The following TBC1D32 variants were observed in gnomAD, a reference collection of about 807,000 sequenced individuals.
TBC1D32 encodes protein broad-minded.
In TBC1D32, 151 loss-of-function variants were observed where a neutral mutation model predicts 170.3. The observed-to-expected ratio is 0.89, with a 90% CI of 0.78 to 1.01. The LOEUF is 1.01. TBC1D32 is among the 50% of genes least tolerant of loss of function. The pLI is 0.00. For synonymous variants in TBC1D32, 498 were observed against 488.0 expected (o/e 1.02, Z -0.27); for missense variants, 1,464 against 1,457.1 (o/e 1.00, Z -0.08).
chr6:121,268,824 T>C lies in TBC1D32; in HGVS notation c.1733+10297A>G, dbSNP rs530988424. ...CACATAATTGTCAGATTCACCAAAG[T>C]TCAAATGAAGGAAAAAAATGTTAAG... On this transcript the variant is annotated intron_variant, in intron 15 of 31. Transcript: ENST00000398212. Among the ~76,000 whole-genome samples, 8 of 152,032 alleles carry C rather than the reference T, an allele frequency of 5.3e-5. No homozygotes were observed. In the South Asian group the frequency reaches 1.7e-3, roughly 32 times the overall value.
rs951117055 is a variant in TBC1D32, at chr6:121,079,674, T to C, written c.*1097A>G. The C allele has an allele frequency of 1.3e-5, 2 of 152,158 alleles. No individual in the cohort carries two copies. The highest frequency in any genetic ancestry group is 4.8e-5 in the African/African-American group (2 of 41,454). 9.4% of individuals were successfully genotyped at this position (152,158 alleles called of 1,614,324 possible). A position where few individuals can be genotyped will look rare whatever the true frequency, so the allele number is the denominator to read the frequency against. On this transcript the variant is annotated 3_prime_UTR_variant, in exon 32 of 32. Coordinates refer to ENST00000398212, the MANE Select transcript of TBC1D32 (RefSeq NM_152730.6). ...GAGTTAAGATATAAAAAATAGACAT[T>C]CACATATTGTATTAATCTTACCGGT...
chr6:121,182,849 A>G (rs1305246824), intron 22 of TBC1D32, among the ~76,000 whole-genome samples: 1 of 152,072 alleles, frequency 6.6e-6, no homozygotes, highest in African/African-American at 2.4e-5. Flanking sequence ...AGGCTGAAAA[A>G]AAAAGTCAAC....
intron 1 of TBC1D32, among the ~76,000 whole-genome samples, chr6:121,330,548 T>TA (rs1369029459): frequency 2.0e-5 from 3 of 152,238 alleles, no homozygotes; most frequent in Admixed American, 6.5e-5. Flanking sequence ...TAGGTACTTT[T>TA]AAAAAAACAA....
In TBC1D32 at chr6:121,188,165, G is replaced by C. The variant is rs117785402; in HGVS notation, c.2570+16910C>G. The stretch of plus-strand genomic sequence containing the variant: ...GATATTAAGAGTACCTACTTCATAA[G>C]TTTGTTCTGAAATTGAGTGACTCAA... On this transcript the variant is annotated intron_variant, in intron 22 of 31. Coordinates refer to ENST00000398212, the MANE Select transcript of TBC1D32 (RefSeq NM_152730.6). 6.0e-3 allele frequency among the ~76,000 whole-genome samples: 909 copies of C among 152,164 alleles called. 7 individuals carry two copies. Among genetic ancestry groups the C allele is most frequent in the Non-Finnish European group, 0.01 (695 of 67,976 alleles).
intron 29 of TBC1D32, among the ~76,000 whole-genome samples, chr6:121,106,607 G>A (rs1582799806): frequency 6.6e-6 from 1 of 151,980 alleles, no homozygotes; most frequent in African/African-American, 2.4e-5. Context: ...TTTGTCAGCT[G>A]TTGAAGATAT....
chr6:121,135,049 T>C (rs560615514), intron 24 of TBC1D32, among the ~76,000 whole-genome samples: 9 of 152,248 alleles, frequency 5.9e-5, no homozygotes, highest in Admixed American at 2.0e-4. Flanking sequence ...GGCTAGCCCA[T>C]GACCTTCTAT....
chr6:121,129,443 T>C lies in TBC1D32; in HGVS notation c.2899+2184A>G, dbSNP rs1781194170. Among the ~76,000 whole-genome samples the C allele has an allele frequency of 2.0e-5, 3 of 152,278 alleles. No homozygotes were observed. The South Asian group carries it at 6.2e-4, about 32-fold the overall frequency. On this transcript the variant is annotated intron_variant, in intron 25 of 31. Coordinates refer to ENST00000398212, the MANE Select transcript of TBC1D32 (RefSeq NM_152730.6). ...ATGCATTTATTAGGATGTAGCTTCA[T>C]TGTAAGTTGAAAAGCATCTGTATAA...
chr6:121,306,391 T>C (rs545418348), intron 5 of TBC1D32, among the ~76,000 whole-genome samples: 1 of 152,336 alleles, frequency 6.6e-6, no homozygotes, highest in East Asian at 1.9e-4. Context: ...TGTTATCTAC[T>C]GAAATCTAAG....
intron 19 of TBC1D32, among the ~76,000 whole-genome samples, chr6:121,240,877 CAAA>C (rs35249678): frequency 3.6e-5 from 3 of 84,208 alleles, no homozygotes; most frequent in Non-Finnish European, 6.3e-5. Flanking sequence ...TTCTGTCTCA[CAAA>C]AAAAAAAAAA....
At chr6:121,287,719 C>T (rs930730556) in intron 12 of TBC1D32, among the ~76,000 whole-genome samples, 5 of 152,130 alleles carry the variant, frequency 3.3e-5, no homozygotes, top group Non-Finnish European at 5.9e-5. Context: ...AACACCACAC[C>T]GCACTTATTC....
chr6:121,080,645 ACTT>A lies in TBC1D32; in HGVS notation c.*123_*125del. The A allele has an allele frequency of 2.5e-6, 3 of 1,210,886 alleles. No homozygotes were observed. The highest frequency in any genetic ancestry group is 3.4e-6 in the Non-Finnish European group (3 of 886,216). 75.0% of individuals were successfully genotyped at this position (1,210,886 alleles called of 1,614,324 possible). On this transcript the variant is annotated 3_prime_UTR_variant, in exon 32 of 32. Transcript: ENST00000398212. ...CATACCTACTTAAATATATCGTTAT[ACTT>A]CTCAGTATTTACAATATGTATATTC...
chr6:121,080,831 T>C lies in TBC1D32; in HGVS notation c.3714A>G (p.Glu1238=), dbSNP rs2128164844. 1 of 1,613,958 alleles carries C rather than the reference T, an allele frequency of 6.2e-7. No individual in the cohort carries two copies. Among genetic ancestry groups the C allele is most frequent in the East Asian group, 2.2e-5 (1 of 44,846 alleles). ...TCAGCAGCACTGTTCGGTAGTTTTG[T>C]TCCAAAATTTCCATGTATTCAAAAT... ...SDYFEYMEIL[E]QNYRTVLLRD... is the part of the protein sequence containing the mutation. Residue 1238 remains glutamate (E), a synonymous_variant, in exon 32 of 32, where the codon GAA becomes GAG. Transcript: ENST00000398212.
intron 11 of TBC1D32, 31 bp from the exon 12 acceptor site, chr6:121,292,224 T>C: frequency 6.4e-7 from 1 of 1,556,104 alleles, no homozygotes. Context: ...GAATATTTAT[T>C]TAGTATCATT....
At chr6:121,125,953 T>C (rs2128211954) in intron 26 of TBC1D32, among the ~76,000 whole-genome samples, 1 of 152,308 alleles carries the variant, frequency 6.6e-6, no homozygotes, top group South Asian at 2.1e-4. Context: ...TTCTGTGGCA[T>C]ATCCAGGTGA....
At chr6:121,263,093 T>C (rs1426952145) in intron 15 of TBC1D32, among the ~76,000 whole-genome samples, 1 of 152,082 alleles carries the variant, frequency 6.6e-6, no homozygotes, top group African/African-American at 2.4e-5. Context: ...TAACCTACAA[T>C]GTAAATGGGC....
At chr6:121,260,560 A>G (rs1479954405) in intron 15 of TBC1D32, among the ~76,000 whole-genome samples, 2 of 152,170 alleles carry the variant, frequency 1.3e-5, no homozygotes, top group Non-Finnish European at 2.9e-5. Context: ...CAGGGCAAGG[A>G]GCTGCCTCCC....
At chr6:121,296,881 T>C (rs1805721158) in intron 10 of TBC1D32, among the ~76,000 whole-genome samples, 1 of 152,100 alleles carries the variant, frequency 6.6e-6, no homozygotes, top group Non-Finnish European at 1.5e-5. Flanking sequence ...GTCCGCTTCT[T>C]TAACTGAAAA....
At chr6:121,088,457 T>C (rs912122633) in intron 31 of TBC1D32, among the ~76,000 whole-genome samples, 1 of 152,178 alleles carries the variant, frequency 6.6e-6, no homozygotes, top group African/African-American at 2.4e-5. Flanking sequence ...TACTTCATTA[T>C]TGGTTATTAT....
At chr6:121,213,948 T>C (rs1024949920) in intron 21 of TBC1D32, among the ~76,000 whole-genome samples, 3 of 152,004 alleles carry the variant, frequency 2.0e-5, no homozygotes, top group African/African-American at 4.8e-5. Flanking sequence ...CACAAACCAA[T>C]GGAAAAGAAT....
Sources: allele counts gnomAD v4.1 joint callset (sites outside exome capture counted in the v4.1 genomes callset), GRCh38; gene constraint gnomAD v4.1.1; transcripts MANE v1.5; gene names NCBI Gene and HGNC (gene_info 2026-07-23, HGNC 2026-07-21).